SORBS2: variants seen among roughly 807,000 people sequenced by gnomAD.
The protein encoded by SORBS2 is sorbin and SH3 domain-containing protein 2.
A neutral mutation model predicts 97.7 loss-of-function variants in SORBS2; 46 were observed. The ratio of observed to expected loss-of-function variants is 0.47; its 90% confidence interval spans 0.37 to 0.60. SORBS2 has a LOEUF of 0.60. Ranked by LOEUF, SORBS2 falls within the 20% of genes least tolerant of loss-of-function variation. The pLI is 0.00. For synonymous variants in SORBS2, 476 were observed against 473.4 expected (o/e 1.01, Z -0.07); for missense variants, 1,316 against 1,282.3 (o/e 1.03, Z -0.40).
intron 1 of SORBS2, among the ~76,000 whole-genome samples, chr4:185,882,524 G>A (rs1188937380): frequency 3.3e-5 from 5 of 152,168 alleles, no homozygotes; most frequent in Non-Finnish European, 2.9e-5. Flanking sequence ...AAACTGACCT[G>A]TAGACTCAAT....
At chr4:185,782,515 C>G (rs575451679) in intron 1 of SORBS2, among the ~76,000 whole-genome samples, 3 of 152,240 alleles carry the variant, frequency 2.0e-5, no homozygotes, top group African/African-American at 7.2e-5. Flanking sequence ...ATGTATTTGT[C>G]TATATATTGC....
intron 1 of SORBS2, among the ~76,000 whole-genome samples, chr4:185,834,938 C>T (rs966056602): frequency 6.6e-6 from 1 of 152,106 alleles, no homozygotes; most frequent in Admixed American, 6.6e-5. Context: ...GAATTGTAAT[C>T]CCCCGTGTTA....
chr4:185,603,711 T>C (rs557517217), intron 12 of SORBS2, among the ~76,000 whole-genome samples: 13 of 152,356 alleles, frequency 8.5e-5, no homozygotes, highest in Admixed American at 2.6e-4. Flanking sequence ...ATTTCAGTGA[T>C]GGACTAATTT....
intron 1 of SORBS2, among the ~76,000 whole-genome samples, chr4:185,902,698 A>G (rs1579391032): frequency 1.3e-5 from 2 of 152,000 alleles, no homozygotes; most frequent in East Asian, 1.9e-4. Context: ...TAAAAAAAAA[A>G]AAAAAAGAAA....
chr4:185,954,119 G>A (rs376698895), intron 1 of SORBS2, among the ~76,000 whole-genome samples: 8 of 151,984 alleles, frequency 5.3e-5, no homozygotes, highest in Admixed American at 5.2e-4. Flanking sequence ...TCAGGTATAA[G>A]GACACTTCTT....
At chr4:185,709,324 T>TTTTTTTTTTTTTTTTTA (rs2098395996) in intron 2 of SORBS2, among the ~76,000 whole-genome samples, 1 of 148,168 alleles carries the variant, frequency 6.7e-6, no homozygotes, top group African/African-American at 2.5e-5. Context: ...TTTTTTTTTT[T>TTTTTTTTTTTTTTTTTA]AGTAAAAGGA....
Position 185,614,974 on chromosome 4 carries a change from G to C in SORBS2, c.2467-15C>G, listed in dbSNP as rs1486701506. 6.2e-7 allele frequency: 1 copy of C among 1,614,134 alleles called. No homozygotes were observed. The highest frequency in any genetic ancestry group is 1.7e-5 in the Admixed American group (1 of 60,018). On this transcript the variant is annotated splice_polypyrimidine_tract_variant and intron_variant, in intron 10 of 14. Coordinates refer to ENST00000418609, the Ensembl canonical transcript of SORBS2. ...GGTGTGAGTTTCTATGAAGGAAATA[G>C]TCATTTATTCTCAAATCTGCGGTGA... is the stretch of plus-strand genomic sequence containing the variant.
At chr4:185,937,240 A>G (rs947401780) in intron 1 of SORBS2, among the ~76,000 whole-genome samples, 4 of 152,188 alleles carry the variant, frequency 2.6e-5, no homozygotes, top group African/African-American at 9.6e-5. Flanking sequence ...CTACGCTTTG[A>G]GAAATACATG....
chr4:185,646,790 T>C lies in SORBS2; in HGVS notation c.282-8A>G. On this transcript the variant is annotated splice_region_variant and splice_polypyrimidine_tract_variant and intron_variant, in intron 3 of 14. Coordinates refer to ENST00000418609, the Ensembl canonical transcript of SORBS2. ...GGAGGATCCCAGTCATGCCTAGAAA[T>C]AAACAATAAATCACACATTAAAATA... 2 of 1,492,314 alleles carry C rather than the reference T, an allele frequency of 1.3e-6. No individual in the cohort carries two copies. The highest frequency in any genetic ancestry group is 1.9e-6 in the Non-Finnish European group (2 of 1,068,870). The allele number at this position is 1,492,314 out of a possible 1,614,324, so 92.4% of individuals were successfully genotyped here.
intron 1 of SORBS2, among the ~76,000 whole-genome samples, chr4:185,870,312 G>C (rs553049157): frequency 3.3e-5 from 5 of 152,340 alleles, no homozygotes; most frequent in South Asian, 4.1e-4. Flanking sequence ...ACTGCAGTCT[G>C]ACATAACACA....
chr4:185,879,979 G>A (rs536096512), intron 1 of SORBS2, among the ~76,000 whole-genome samples: 6 of 152,332 alleles, frequency 3.9e-5, no homozygotes, highest in South Asian at 2.1e-4. Context: ...ATAAAAGAAC[G>A]AAAGAATGAA....
At chr4:185,814,193 A>G (rs747573462) in intron 1 of SORBS2, among the ~76,000 whole-genome samples, 4 of 151,972 alleles carry the variant, frequency 2.6e-5, no homozygotes, top group Non-Finnish European at 4.4e-5. Context: ...TTTTCATTGT[A>G]TCTCTGAAAA....
chr4:185,748,891 C>T (rs1240924893), intron 2 of SORBS2, among the ~76,000 whole-genome samples: 1 of 152,148 alleles, frequency 6.6e-6, no homozygotes, highest in African/African-American at 2.4e-5. Flanking sequence ...CAAGAAGCAC[C>T]TTTCCACCTG....
chr4:185,944,512 T>G (rs1220730884), intron 1 of SORBS2, among the ~76,000 whole-genome samples: 1 of 152,190 alleles, frequency 6.6e-6, no homozygotes, highest in Non-Finnish European at 1.5e-5. Flanking sequence ...CATCTAAAAT[T>G]TGGATCTGAA....
At chr4:185,649,255 T>C (rs2097268563) in intron 3 of SORBS2, among the ~76,000 whole-genome samples, 1 of 152,148 alleles carries the variant, frequency 6.6e-6, no homozygotes, top group Admixed American at 6.6e-5. Context: ...TTACTTCAAG[T>C]CTAATTTAGG....
intron 4 of SORBS2, among the ~76,000 whole-genome samples, chr4:185,645,368 A>C (rs1309988959): frequency 1.3e-5 from 2 of 152,172 alleles, no homozygotes; most frequent in Non-Finnish European, 2.9e-5. Context: ...ATGGGTTACA[A>C]GTTTGCAATG....
In SORBS2 at chr4:185,607,319, T is replaced by C; in HGVS notation, c.2796+4461A>G. 7.8e-7 allele frequency: 1 copy of C among 1,286,224 alleles called. No homozygotes were observed. The highest frequency in any genetic ancestry group is 1.0e-6 in the Non-Finnish European group (1 of 987,260). The allele number at this position is 1,286,224 out of a possible 1,614,324, so 79.7% of individuals were successfully genotyped here. On this transcript the variant is annotated intron_variant, in intron 12 of 14. Transcript: ENST00000418609. The surrounding 1 kb of genome is among the most constrained non-coding windows in gnomAD (Gnocchi z 5.2). ...TCTGAGCCAGGTGAGACTTTGTGGG[T>C]GGGAGGAGGGGCTGGTTCACTGGAA...
chr4:185,730,753 A>G (rs1210944959), intron 2 of SORBS2, among the ~76,000 whole-genome samples: 1 of 152,228 alleles, frequency 6.6e-6, no homozygotes, highest in African/African-American at 2.4e-5. Flanking sequence ...CAGAGGTCAC[A>G]GACTTGGGCA....
At chr4:185,662,461 G>A (rs1283242231) in intron 4 of SORBS2, among the ~76,000 whole-genome samples, 3 of 152,218 alleles carry the variant, frequency 2.0e-5, no homozygotes, top group Admixed American at 6.5e-5. Context: ...TGAGGGTCCA[G>A]GGAGTGGTTA....
Sources: allele counts gnomAD v4.1 joint callset (sites outside exome capture counted in the v4.1 genomes callset), GRCh38; gene constraint gnomAD v4.1.1; non-coding constraint Gnocchi (gnomAD v3.1); transcripts MANE v1.5; gene names NCBI Gene and HGNC (gene_info 2026-07-23, HGNC 2026-07-21).